The following MBNL2 variants were observed in gnomAD, a reference collection of about 807,000 sequenced individuals.
MBNL2 encodes muscleblind like splicing regulator 2.
In MBNL2, 17 loss-of-function variants were observed where a neutral mutation model predicts 41.9. The observed-to-expected ratio is 0.41, with a 90% CI of 0.28 to 0.61. The LOEUF (loss-of-function observed/expected upper bound fraction) is 0.61. Among genes scored for constraint, MBNL2 ranks in the 20% least tolerant of loss-of-function variants. The pLI is 0.35. For synonymous variants in MBNL2, 195 were observed against 182.9 expected, an observed-to-expected ratio of 1.07 and a Z score of -0.53; for missense variants, 336 against 505.6, an observed-to-expected ratio of 0.66 and a Z score of 3.22.
intron 2 of MBNL2, among the ~76,000 whole-genome samples, chr13:97,291,513 G>C (rs1266841365): frequency 1.3e-5 from 2 of 152,010 alleles, no homozygotes; most frequent in Admixed American, 6.5e-5. Flanking sequence ...ATTAATATTA[G>C]AAAAGCTGAT....
At chr13:97,379,675 G>A (rs74105120) in intron 8 of MBNL2, among the ~76,000 whole-genome samples, 5,676 of 117,088 alleles carry the variant, frequency 0.048, 363 homozygotes, top group African/African-American at 0.16. Flanking sequence ...AAATGGGAAG[G>A]AGAACAGAAA....
chr13:97,310,747 A>G (rs2058525058), intron 2 of MBNL2, among the ~76,000 whole-genome samples: 2 of 151,338 alleles, frequency 1.3e-5, no homozygotes, highest in African/African-American at 4.8e-5. Context: ...TCCTGTTTCT[A>G]AAAGGAATTT....
At chr13:97,371,952 C>T (rs2064425715) in intron 8 of MBNL2, among the ~76,000 whole-genome samples, 3 of 152,214 alleles carry the variant, frequency 2.0e-5, no homozygotes, top group Admixed American at 1.3e-4. Flanking sequence ...CATGGGCCTT[C>T]CCATTTCCTA....
chr13:97,297,479 G>A (rs1042472823), intron 2 of MBNL2, among the ~76,000 whole-genome samples: 1 of 152,052 alleles, frequency 6.6e-6, no homozygotes, highest in Non-Finnish European at 1.5e-5. Flanking sequence ...GACTTGACTG[G>A]GAGAATTGGG....
chr13:97,172,558 G>T, the MBNL2 span: 1 of 152,130 alleles, frequency 6.6e-6, no homozygotes, highest in African/African-American at 2.4e-5. Context: ...TGGCTCAGGA[G>T]CTCACACTCT....
At chr13:97,257,062 G>A (rs2047679798) in intron 1 of MBNL2, among the ~76,000 whole-genome samples, 1 of 152,112 alleles carries the variant, frequency 6.6e-6, no homozygotes, top group African/African-American at 2.4e-5. Context: ...GCTTTTTCAT[G>A]CATGCCTTTT....
the MBNL2 span, among the ~76,000 whole-genome samples, chr13:97,170,483 C>G: frequency 2.0e-5 from 3 of 152,144 alleles, no homozygotes; most frequent in Non-Finnish European, 4.4e-5. Context: ...AGACTTATTA[C>G]TCAAATCAAT....
chr13:97,361,340 T>C (rs1478427844), intron 7 of MBNL2, among the ~76,000 whole-genome samples: 1 of 152,186 alleles, frequency 6.6e-6, no homozygotes, highest in African/African-American at 2.4e-5. Context: ...GGGAAGAGTG[T>C]ACTTGAAGAA....
chr13:97,158,576 A>G, the MBNL2 span, among the ~76,000 whole-genome samples: 4 of 151,310 alleles, frequency 2.6e-5, no homozygotes, highest in East Asian at 7.7e-4. Context: ...AATGCGTCCC[A>G]GAGATTCTGG....
the MBNL2 span, among the ~76,000 whole-genome samples, chr13:97,192,204 A>G: frequency 6.6e-6 from 1 of 152,228 alleles, no homozygotes; most frequent in East Asian, 1.9e-4. Context: ...GGATTCAGAA[A>G]AAAAGAGAGG....
chr13:97,279,221 A>G (rs1384467113), intron 2 of MBNL2, among the ~76,000 whole-genome samples: 1 of 152,250 alleles, frequency 6.6e-6, no homozygotes, highest in African/African-American at 2.4e-5. Context: ...AGAAGCAGCA[A>G]GGGCTTTGAA....
chr13:97,147,352 G>A, the MBNL2 span, among the ~76,000 whole-genome samples: 1 of 152,128 alleles, frequency 6.6e-6, no homozygotes, highest in South Asian at 2.1e-4. Context: ...GTTCATATTG[G>A]CAGTTGTCCT....
chr13:97,312,857 A>G (rs1311139719), intron 2 of MBNL2, among the ~76,000 whole-genome samples: 1 of 152,228 alleles, frequency 6.6e-6, no homozygotes, highest in Non-Finnish European at 1.5e-5. Flanking sequence ...TTCAATTAAA[A>G]ATTATATGTC....
chr13:97,240,287 C>T (rs2044028135), intron 1 of MBNL2, among the ~76,000 whole-genome samples: 1 of 152,246 alleles, frequency 6.6e-6, no homozygotes, highest in South Asian at 2.1e-4. Context: ...CTGCCACAGA[C>T]TAGCTGCACA....
chr13:97,218,281 G>A (rs988134443), upstream of MBNL2, among the ~76,000 whole-genome samples: 21 of 151,934 alleles, frequency 1.4e-4, no homozygotes, highest in African/African-American at 5.1e-4. Context: ...GTGGTGGCGG[G>A]TGCCTGTAGT....
chr13:97,220,113 T>G (rs538933632), upstream of MBNL2, among the ~76,000 whole-genome samples: 1 of 152,190 alleles, frequency 6.6e-6, no homozygotes, highest in African/African-American at 2.4e-5. Context: ...GTCAGCAAGT[T>G]TGTGCATGGC....
At chr13:97,210,571 A>ATT in the MBNL2 span, among the ~76,000 whole-genome samples, 84 of 65,464 alleles carry the variant, frequency 1.3e-3, 17 homozygotes, top group African/African-American at 4.4e-3. Flanking sequence ...ACAACTGTGA[A>ATT]TTTTTTTTTT....
intron 1 of MBNL2, among the ~76,000 whole-genome samples, chr13:97,273,203 G>A (rs1018833987): frequency 3.3e-5 from 5 of 152,140 alleles, no homozygotes; most frequent in South Asian, 2.1e-4. Context: ...GGGACTCTAC[G>A]TAATATTTTT....
the MBNL2 span, among the ~76,000 whole-genome samples, chr13:97,155,665 C>T: frequency 2.4e-4 from 36 of 150,968 alleles, no homozygotes; most frequent in Non-Finnish European, 3.8e-4. Context: ...TTTGTTCTTG[C>T]GATAGTTTAC....
Sources: gnomAD v4.1 joint callset for allele counts (sites outside exome capture counted in the v4.1 genomes callset) on GRCh38, gnomAD v4.1.1 for gene constraint, MANE v1.5 for transcripts, NCBI Gene and HGNC (gene_info 2026-07-23, HGNC 2026-07-21) for gene names.